Variants in TPD52 observed in about 807,000 individuals in gnomAD.
TPD52 encodes tumor protein D52.
TPD52 carries 17 observed loss-of-function variants against 31.3 expected under a neutral mutation model. The observed-to-expected ratio is 0.54, with a 90% CI of 0.37 to 0.82. The LOEUF is 0.82. Among genes scored for constraint, TPD52 ranks in the 40% least tolerant of loss-of-function variants. The probability of loss-of-function intolerance (pLI) is 0.00; values close to 1 mark genes in which losing one functional copy is unlikely to be tolerated. For missense variants in TPD52, 212 were observed against 240.1 expected (o/e 0.88, Z 0.77); for synonymous variants, 83 against 89.6 (o/e 0.93, Z 0.42).
chr8:80,139,146 AT>A (rs1809639747), intron 1 of TPD52, among the ~76,000 whole-genome samples: 1 of 152,172 alleles, frequency 6.6e-6, no homozygotes, highest in Non-Finnish European at 1.5e-5. Flanking sequence ...AGCCACCTGT[AT>A]TTACTGAATG....
chr8:80,048,495 G>C (rs866598919), intron 5 of TPD52, among the ~76,000 whole-genome samples: 29 of 152,272 alleles, frequency 1.9e-4, no homozygotes, highest in African/African-American at 6.7e-4. Flanking sequence ...TTAGCAAAAG[G>C]AGCCTACTGT....
At chr8:80,132,141 C>T (rs1809066863) in intron 1 of TPD52, among the ~76,000 whole-genome samples, 1 of 151,722 alleles carries the variant, frequency 6.6e-6, no homozygotes, top group African/African-American at 2.4e-5. Flanking sequence ...GCAATCCTCC[C>T]ACCTCAGCTT....
At chr8:80,106,977 G>T (rs976403293) in intron 1 of TPD52, among the ~76,000 whole-genome samples, 2 of 151,024 alleles carry the variant, frequency 1.3e-5, no homozygotes, top group Non-Finnish European at 2.9e-5. Flanking sequence ...TCAGCCTCCC[G>T]AGTAGCTGGG....
chr8:80,086,342 C>A (rs997041011), intron 1 of TPD52, among the ~76,000 whole-genome samples: 5 of 151,512 alleles, frequency 3.3e-5, no homozygotes, highest in African/African-American at 4.8e-5. Context: ...TGGTCTCGAT[C>A]TCCTGACCTC....
chr8:80,125,714 AT>A (rs1350887184), intron 1 of TPD52, among the ~76,000 whole-genome samples: 3 of 152,184 alleles, frequency 2.0e-5, no homozygotes, highest in Non-Finnish European at 4.4e-5. Context: ...ATCACACCCA[AT>A]TTTAAGGTCC....
chr8:80,158,228 T>C (rs1355211586), intron 1 of TPD52, among the ~76,000 whole-genome samples: 1 of 151,730 alleles, frequency 6.6e-6, no homozygotes, highest in African/African-American at 2.4e-5. Context: ...CTGCAATCCA[T>C]TGTACCAGCC....
intron 1 of TPD52, among the ~76,000 whole-genome samples, chr8:80,099,657 C>T (rs58818758): frequency 0.43 from 65,265 of 151,676 alleles, 14,917 homozygotes; most frequent in East Asian, 0.79. Flanking sequence ...ACTACAGGAG[C>T]GTGACACCAC....
At chr8:80,068,765 G>A (rs1204530311) in intron 1 of TPD52, among the ~76,000 whole-genome samples, 4 of 152,170 alleles carry the variant, frequency 2.6e-5, no homozygotes, top group African/African-American at 9.7e-5. Context: ...GAGTTCTAGT[G>A]TCTCAGGGGT....
chr8:80,040,177 ACGCTATC>A (rs1245404671), intron 7 of TPD52, among the ~76,000 whole-genome samples: 21 of 143,084 alleles, frequency 1.5e-4, no homozygotes, highest in Admixed American at 7.0e-4. Flanking sequence ...TCTGTTTAAT[ACGCTATC>A]CTTTTTTTTT....
At chr8:80,034,294 GA>G (rs1411020944), downstream of TPD52, among the ~76,000 whole-genome samples, 3 of 152,036 alleles carry the variant, frequency 2.0e-5, no homozygotes, top group Non-Finnish European at 4.4e-5. Context: ...CCTGGATCTG[GA>G]GCTGCAGCTG....
At chr8:80,140,950 CGTGTGTGTGT>C (rs142097159) in intron 1 of TPD52, among the ~76,000 whole-genome samples, 199 of 143,776 alleles carry the variant, frequency 1.4e-3, no homozygotes, top group African/African-American at 4.6e-3. Context: ...CAATACAACT[CGTGTGTGTGT>C]GTGTGTGTGT....
At chr8:80,067,687 C>T (rs530324459) in intron 1 of TPD52, among the ~76,000 whole-genome samples, 11 of 152,034 alleles carry the variant, frequency 7.2e-5, no homozygotes, top group African/African-American at 2.7e-4. Flanking sequence ...ACAAATGCTT[C>T]ACATCACTGA....
At chr8:80,055,564 G>A (rs1409637772) in intron 2 of TPD52, among the ~76,000 whole-genome samples, 1 of 152,072 alleles carries the variant, frequency 6.6e-6, no homozygotes, top group Non-Finnish European at 1.5e-5. Flanking sequence ...AGACAAATGG[G>A]ACTAAATTCA....
In TPD52 at chr8:80,128,192, G is replaced by A. The variant is rs373488778; in HGVS notation, c.19+43233C>T. On this transcript the variant is annotated intron_variant, in intron 1 of 7. Coordinates refer to ENST00000518937, the MANE Select transcript of TPD52 (RefSeq NM_001025253.3). Reference sequence around the variant, plus strand: ...ATCTCACTTGAAATCTGTTCATTTTGTATATTTTTAAAATTTATTTTTGTA... The same window carrying A: ...ATCTCACTTGAAATCTGTTCATTTTATATATTTTTAAAATTTATTTTTGTA... Among the ~76,000 whole-genome samples the A allele has an allele frequency of 4.0e-5, 6 of 151,686 alleles. No individual in the cohort carries two copies. In the East Asian group the frequency reaches 1.2e-3, roughly 29 times the overall value.
At position 80,064,492 on chromosome 8, in the gene TPD52, T is replaced by C; in HGVS notation, c.121A>G (p.Arg41Gly). ...LSEEEQEELRRELAKVEEEIQ... is the reference protein window; with the variant it reads ...LSEEEQEELRGELAKVEEEIQ... ...TGGTTCTTTACCTTTGCAAGTTCTC[T>C]TCTTAGCTCTTCCTGCTCCTCTTCC... Residue 41 changes from arginine to glycine, a missense_variant, in exon 2 of 8, where the codon AGA (arginine) becomes GGA (glycine). By Grantham distance (125) the Arg-to-Gly change is moderately radical. Transcript: ENST00000518937. The C allele has an allele frequency of 6.2e-7, 1 of 1,614,020 alleles. No homozygotes were observed. The highest frequency in any genetic ancestry group is 2.2e-5 in the East Asian group (1 of 44,882).
At chr8:80,132,030 T>C (rs1395714482) in intron 1 of TPD52, among the ~76,000 whole-genome samples, 1 of 135,240 alleles carries the variant, frequency 7.4e-6, no homozygotes, top group African/African-American at 3.6e-5. Flanking sequence ...TTTTCTTTCT[T>C]TCTTTTTTTT....
At chr8:80,147,690 G>A (rs1563660988) in intron 1 of TPD52, among the ~76,000 whole-genome samples, 1 of 152,082 alleles carries the variant, frequency 6.6e-6, no homozygotes, top group Non-Finnish European at 1.5e-5. Context: ...GGGCAGCAGG[G>A]CAAAGGCGAC....
rs1207837738 is a variant in TPD52 at position 80,036,219 on chromosome 8, T to C, written c.*1897A>G. ...GGGTATTTCACTCATCTAAAGAAAT[T>C]GCCACTTTACTCCATTTTGCCTTGT... On this transcript the variant is annotated 3_prime_UTR_variant, in exon 8 of 8. Coordinates refer to ENST00000518937, the MANE Select transcript of TPD52 (RefSeq NM_001025253.3). 6.6e-6 allele frequency: 1 copy of C among 152,470 alleles called. No individual in the cohort carries two copies. Among genetic ancestry groups the C allele is most frequent in the Non-Finnish European group, 1.5e-5 (1 of 68,044 alleles). The allele number at this position is 152,470 out of a possible 1,614,324, so 9.4% of individuals were successfully genotyped here. A position where few individuals can be genotyped will look rare whatever the true frequency, so the allele number is the denominator to read the frequency against.
intron 1 of TPD52, among the ~76,000 whole-genome samples, chr8:80,143,529 A>T (rs1809983010): frequency 6.6e-6 from 1 of 152,046 alleles, no homozygotes; most frequent in Non-Finnish European, 1.5e-5. Context: ...GCACCACCCT[A>T]TATATTAATA....
Sources: gnomAD v4.1 joint callset for allele counts (sites outside exome capture counted in the v4.1 genomes callset) on GRCh38, gnomAD v4.1.1 for gene constraint, MANE v1.5 for transcripts, NCBI Gene and HGNC (gene_info 2026-07-23, HGNC 2026-07-21) for gene names.